FAM178B: variants seen among roughly 807,000 people sequenced by gnomAD.
FAM178B encodes protein FAM178B.
In FAM178B, 82 loss-of-function variants were observed where a neutral mutation model predicts 91.7. The observed-to-expected ratio is 0.89, with a 90% CI of 0.75 to 1.07. FAM178B has a LOEUF of 1.07. FAM178B is among the 50% of genes least tolerant of loss of function. The pLI, the probability that FAM178B is intolerant of heterozygous loss-of-function variation, is 0.00. For missense variants in FAM178B, 769 were observed against 846.7 expected, an observed-to-expected ratio of 0.91 and a Z score of 1.14; for synonymous variants, 368 against 359.4, an observed-to-expected ratio of 1.02 and a Z score of -0.27.
intron 16 of FAM178B, among the ~76,000 whole-genome samples, chr2:96,877,123 T>G (rs2080261818): frequency 6.6e-6 from 1 of 152,112 alleles, no homozygotes; most frequent in South Asian, 2.1e-4. Flanking sequence ...AAACACTAGC[T>G]GTGACTATCA....
intron 13 of FAM178B, among the ~76,000 whole-genome samples, chr2:96,901,297 C>T (rs940837127): frequency 3.3e-5 from 5 of 151,850 alleles, no homozygotes; most frequent in Admixed American, 2.6e-4. Context: ...CTCAGTCTCC[C>T]GAGTAGCTGG....
chr2:96,978,780 A>G (rs897204896), intron 1 of FAM178B, among the ~76,000 whole-genome samples: 1 of 151,338 alleles, frequency 6.6e-6, no homozygotes, highest in Non-Finnish European at 1.5e-5. Flanking sequence ...GCCCGCCACC[A>G]CGCCCGGCTA....
At chr2:96,897,482 A>T (rs530575293) in intron 13 of FAM178B, among the ~76,000 whole-genome samples, 1 of 152,206 alleles carries the variant, frequency 6.6e-6, no homozygotes, top group African/African-American at 2.4e-5. Flanking sequence ...GAAGTGCCCC[A>T]GGATAAGAAG....
At chr2:96,961,956 T>C (rs980374291) in intron 5 of FAM178B, among the ~76,000 whole-genome samples, 44 of 152,240 alleles carry the variant, frequency 2.9e-4, no homozygotes, top group African/African-American at 1.1e-3. Flanking sequence ...GTTTGGTTCA[T>C]GTCTTTGCCA....
chr2:96,986,525 A>C lies in FAM178B; in HGVS notation c.-212T>G. 3.4e-6 allele frequency: 2 copies of C among 589,390 alleles called. No individual in the cohort carries two copies. The highest frequency in any genetic ancestry group is 2.9e-6 in the Non-Finnish European group (1 of 350,696). The allele number at this position is 589,390 out of a possible 1,614,324, so 36.5% of individuals were successfully genotyped here. A position where few individuals can be genotyped will look rare whatever the true frequency, so the allele number is the denominator to read the frequency against. ...GGGATTGAGTTCCGACTCCAAACCA[A>C]GCGGCCAGCTCACAGCCGCCGCCGC... is the stretch of plus-strand genomic sequence containing the variant. On this transcript the variant is annotated 5_prime_UTR_variant, in exon 1 of 17. Transcript: ENST00000490605.
intron 14 of FAM178B, among the ~76,000 whole-genome samples, chr2:96,881,807 T>C (rs1236037331): frequency 6.6e-6 from 1 of 151,878 alleles, no homozygotes; most frequent in Non-Finnish European, 1.5e-5. Flanking sequence ...GAGTAGGAAA[T>C]GGCAGTCCTA....
chr2:96,953,365 G>T (rs566050262), intron 6 of FAM178B, among the ~76,000 whole-genome samples: 6 of 152,358 alleles, frequency 3.9e-5, no homozygotes, highest in Admixed American at 3.9e-4. Flanking sequence ...GGGCCATGTG[G>T]TGAGGAGGCT....
intron 5 of FAM178B, among the ~76,000 whole-genome samples, chr2:96,965,364 C>G (rs998985964): frequency 1.3e-5 from 2 of 152,102 alleles, no homozygotes; most frequent in Non-Finnish European, 2.9e-5. Flanking sequence ...GCTTGCCTCT[C>G]CAAGTAGCCT....
At chr2:96,946,116 T>C (rs765139283) in intron 8 of FAM178B, among the ~76,000 whole-genome samples, 4 of 152,242 alleles carry the variant, frequency 2.6e-5, no homozygotes, top group Non-Finnish European at 5.9e-5. Context: ...GTAACTCATA[T>C]ACGTGTTTGT....
chr2:96,929,868 G>A (rs530701448), intron 8 of FAM178B, among the ~76,000 whole-genome samples: 19 of 152,270 alleles, frequency 1.2e-4, no homozygotes, highest in East Asian at 3.9e-4. Flanking sequence ...GCAAGTGTGC[G>A]CTATGGGGAC....
chr2:96,892,853 C>A (rs939235210), intron 14 of FAM178B, among the ~76,000 whole-genome samples: 2 of 152,180 alleles, frequency 1.3e-5, no homozygotes, highest in Non-Finnish European at 2.9e-5. Context: ...ATAACCAGCC[C>A]ATAACCAGCT....
chr2:96,986,431 T>G lies in FAM178B; in HGVS notation c.-118A>C, dbSNP rs2082426043. ...GGAGCAGGCTCCCCAGGCGGCGCAG[T>G]GGGAGGACCCCAAGAGTTGCGTCCC... On this transcript the variant is annotated 5_prime_UTR_variant, in exon 1 of 17. Coordinates refer to ENST00000490605, the MANE Select transcript of FAM178B (RefSeq NM_001122646.3). The G allele has an allele frequency of 8.0e-7, 1 of 1,253,500 alleles. No homozygotes were observed. The highest frequency in any genetic ancestry group is 1.5e-5 in the South Asian group (1 of 66,048). 77.6% of individuals were successfully genotyped at this position (1,253,500 alleles called of 1,614,324 possible). A position where few individuals can be genotyped will look rare whatever the true frequency, so the allele number is the denominator to read the frequency against.
chr2:96,914,675 G>C (rs1044048686), intron 12 of FAM178B, among the ~76,000 whole-genome samples: 5 of 152,188 alleles, frequency 3.3e-5, no homozygotes, highest in African/African-American at 1.2e-4. Context: ...GATCACTTGA[G>C]CCCAGGGGTC....
At chr2:96,900,036 T>G (rs2080897493) in intron 13 of FAM178B, among the ~76,000 whole-genome samples, 2 of 151,816 alleles carry the variant, frequency 1.3e-5, no homozygotes, top group South Asian at 2.1e-4. Flanking sequence ...CACCAAGCTC[T>G]CCTCACTCTA....
chr2:96,980,959 T>C (rs1258612465), intron 1 of FAM178B, among the ~76,000 whole-genome samples: 3 of 152,094 alleles, frequency 2.0e-5, no homozygotes, highest in African/African-American at 7.2e-5. Flanking sequence ...ACTGAATGGC[T>C]TCTCTTTCAT....
intron 12 of FAM178B, among the ~76,000 whole-genome samples, chr2:96,910,641 G>A (rs978622479): frequency 1.3e-5 from 2 of 152,062 alleles, no homozygotes; most frequent in Admixed American, 1.3e-4. Context: ...TTACTTTGGT[G>A]CCCTTCTTTC....
chr2:96,890,158 C>T (rs762954865), intron 14 of FAM178B, among the ~76,000 whole-genome samples: 1 of 151,968 alleles, frequency 6.6e-6, no homozygotes, highest in Non-Finnish European at 1.5e-5. Context: ...GCCTGTAATC[C>T]CAGCTACTTG....
At chr2:96,902,555 T>A (rs1338585189) in intron 13 of FAM178B, 65 bp downstream of exon 13, 1 of 1,142,678 alleles carries the variant, frequency 8.8e-7, no homozygotes, top group African/African-American at 1.5e-5. Flanking sequence ...TTCCTGGCCT[T>A]TGGGGAAAGC....
intron 13 of FAM178B, among the ~76,000 whole-genome samples, chr2:96,899,177 C>T (rs1185752600): frequency 6.6e-6 from 1 of 152,250 alleles, no homozygotes; most frequent in Non-Finnish European, 1.5e-5. Context: ...TCCTATCCCT[C>T]CAGTCGCCAT....
Sources: gnomAD v4.1 joint callset for allele counts (sites outside exome capture counted in the v4.1 genomes callset) on GRCh38, gnomAD v4.1.1 for gene constraint, MANE v1.5 for transcripts, NCBI Gene and HGNC (gene_info 2026-07-23, HGNC 2026-07-21) for gene names.